The following SYN1 variants were observed in gnomAD, a reference collection of about 807,000 sequenced individuals.
The protein encoded by SYN1 is synapsin I, also known as synapsin-1.
SYN1 carries 8 observed loss-of-function variants against 44.6 expected under a neutral mutation model. The ratio of observed to expected loss-of-function variants is 0.18; its 90% CI spans 0.11 to 0.32. The LOEUF (loss-of-function observed/expected upper bound fraction) is 0.32, where lower values mean the gene tolerates loss of function less well. Ranked by LOEUF, SYN1 falls within the 10% of genes least tolerant of loss-of-function variation. The pLI, the probability that SYN1 is intolerant of heterozygous loss-of-function variation, is 1.00. For synonymous variants in SYN1, 275 were observed against 280.1 expected, an observed-to-expected ratio of 0.98 and a Z score of 0.18; for missense variants, 451 against 639.4, an observed-to-expected ratio of 0.71 and a Z score of 3.18.
chrX:47,602,751 C>T (rs1305156843), intron 5 of SYN1, among the ~76,000 whole-genome samples: 2 of 111,749 alleles, frequency 1.8e-5, no homozygotes, highest in Admixed American at 1.9e-4. Context: ...GTAAGAATTG[C>T]TAATATTAGT....
chrX:47,583,846 T>A (rs1020313031), intron 5 of SYN1, among the ~76,000 whole-genome samples: 28 of 111,659 alleles, frequency 2.5e-4, no homozygotes, highest in African/African-American at 9.1e-4. Flanking sequence ...CCCCTGCCCC[T>A]TAGTACTCCT....
chrX:47,584,918 T>A (rs1234489460), intron 5 of SYN1: 1 of 1,199,652 alleles, frequency 8.3e-7, no homozygotes, highest in South Asian at 1.8e-5. Flanking sequence ...TGACTCATAT[T>A]TCCCTCCTCT....
Position 47,574,711 on chromosome X carries a change from G to A in SYN1, c.1370C>T (p.Ala457Val). The change falls in exon 11 of 13, where the codon GCT (alanine) becomes GTT (valine). Residue 457 changes from alanine to valine, a missense_variant. Coordinates refer to ENST00000295987, the MANE Select transcript of SYN1 (RefSeq NM_006950.3). ...QTSQQPAGPP[A>V]QQRPPPQGGP... ...ACCCTGTGGTGGGGGTCGCTGCTGA[G>A]CCGGGGGCCCTGCGGGCTGCTGGGA... The A allele has an allele frequency of 8.4e-7, 1 of 1,186,649 alleles. No individual in the cohort carries two copies. Among genetic ancestry groups the A allele is most frequent in the South Asian group, 1.9e-5 (1 of 53,933 alleles).
chrX:47,607,246 G>C (rs778869389), intron 1 of SYN1, 48 bp from the exon 2 acceptor site: 6 of 1,158,178 alleles, frequency 5.2e-6, no homozygotes, highest in Non-Finnish European at 4.7e-6. Flanking sequence ...TCTCAGAAGG[G>C]AAGACAAAAC....
chrX:47,591,276 T>C (rs2057846925), intron 5 of SYN1, among the ~76,000 whole-genome samples: 1 of 112,548 alleles, frequency 8.9e-6, no homozygotes, highest in African/African-American at 3.2e-5. Flanking sequence ...AACTACATAG[T>C]TACAAAACAG....
At chrX:47,585,292 C>T (rs1413685629) in intron 5 of SYN1, 2 of 1,209,999 alleles carry the variant, frequency 1.7e-6, no homozygotes, top group Non-Finnish European at 2.2e-6. Context: ...CGGATACTTC[C>T]ACAGGTCCCA....
chrX:47,583,524 A>G (rs1310743953), intron 5 of SYN1: 2 of 1,196,353 alleles, frequency 1.7e-6, no homozygotes, highest in Admixed American at 2.2e-5. Context: ...GGCCTTCTGC[A>G]ATTCCGACCT....
intron 5 of SYN1, among the ~76,000 whole-genome samples, chrX:47,589,328 T>G (rs1334638703): frequency 7.8e-5 from 8 of 102,061 alleles, no homozygotes; most frequent in African/African-American, 1.8e-4. Context: ...GCATGGTGGC[T>G]TACGCCTGTA....
chrX:47,606,715 C>A (rs1229678125), intron 3 of SYN1, among the ~76,000 whole-genome samples: 2 of 106,270 alleles, frequency 1.9e-5, no homozygotes, highest in South Asian at 4.2e-4. Context: ...GGAGACAGAG[C>A]AAGACCCTGT....
rs926852442 is a variant in SYN1 at position 47,619,783 on chromosome X, G to A, written c.-55C>T. 1.1e-5 allele frequency: 12 copies of A among 1,115,720 alleles called. No individual in the cohort carries two copies. Among genetic ancestry groups the A allele is most frequent in the East Asian group, 3.4e-5 (1 of 29,763 alleles). The allele number at this position is 1,115,720 out of a possible 1,213,427, so 91.9% of individuals were successfully genotyped here. On this transcript the variant is annotated 5_prime_UTR_variant, in exon 1 of 13. Coordinates refer to ENST00000295987, the MANE Select transcript of SYN1 (RefSeq NM_006950.3). ...GGTGGTCTGGCCAGGAGCCGCGGGGGCGGACTGCGCGGTGCCCAGGAGCAC... is the reference window on the plus strand; with the variant it reads ...GGTGGTCTGGCCAGGAGCCGCGGGGACGGACTGCGCGGTGCCCAGGAGCAC...
intron 5 of SYN1, among the ~76,000 whole-genome samples, chrX:47,594,805 G>A (rs1271159794): frequency 6.6e-5 from 7 of 106,542 alleles, no homozygotes; most frequent in Admixed American, 2.0e-4. Context: ...TCAGCTCACC[G>A]CAACCTCCGT....
intron 1 of SYN1, among the ~76,000 whole-genome samples, chrX:47,611,155 G>C (rs2057915527): frequency 8.9e-6 from 1 of 111,851 alleles, no homozygotes; most frequent in Non-Finnish European, 1.9e-5. Context: ...TGTTTCAGTA[G>C]GGAAGTCCAA....
chrX:47,590,512 G>C (rs1660213088), intron 5 of SYN1, among the ~76,000 whole-genome samples: 1 of 112,257 alleles, frequency 8.9e-6, no homozygotes, highest in Non-Finnish European at 1.9e-5. Context: ...TGAGACTTGG[G>C]GATCATAGCA....
intron 5 of SYN1, among the ~76,000 whole-genome samples, chrX:47,597,002 A>G (rs1603066740): frequency 1.8e-5 from 2 of 112,452 alleles, no homozygotes; most frequent in Middle Eastern, 9.2e-3. Context: ...ATGATATCCT[A>G]ATAAGTAGAG....
In SYN1 at chrX:47,574,268, C is replaced by A; in HGVS notation, c.1716G>T (p.Pro572=). ...QATRQTSVSG[P]APPKASGAPP... ...GGGCCCCAGAGGCCTTTGGCGGAGC[C>A]GGGCCAGAGACGGATGTCTGACGGG... Residue 572 remains proline (P), a synonymous_variant, in exon 12 of 13, where the codon CCG becomes CCT. Coordinates refer to ENST00000295987, the MANE Select transcript of SYN1 (RefSeq NM_006950.3). 1 of 1,104,608 alleles carries A rather than the reference C, an allele frequency of 9.1e-7. No individual in the cohort carries two copies. The highest frequency in any genetic ancestry group is 1.2e-6 in the Non-Finnish European group (1 of 849,320). The allele number at this position is 1,104,608 out of a possible 1,213,427, so 91.0% of individuals were successfully genotyped here.
At chrX:47,609,005 G>GACACAA (rs1556861053) in intron 1 of SYN1, among the ~76,000 whole-genome samples, 4 of 87,399 alleles carry the variant, frequency 4.6e-5, no homozygotes, top group Non-Finnish European at 6.9e-5. Context: ...CTCTCTCTCT[G>GACACAA]ACACACACAC....
rs769771865 is a variant in SYN1, at chrX:47,605,367, C to T, written c.540G>A (p.Pro180=). ...NGVKVVRSLK[P]DFVLIRQHAF... is the part of the protein sequence containing the mutation. ...CGTGCTGGCGGATCAGCACAAAATCCGGCTTCAGAGACCTAGTGTGGCAGG... is the reference window on the plus strand; with the variant it reads ...CGTGCTGGCGGATCAGCACAAAATCTGGCTTCAGAGACCTAGTGTGGCAGG... The change falls in exon 4 of 13, where the codon CCG becomes CCA. Residue 180 remains proline (P), a synonymous_variant. Coordinates refer to ENST00000295987, the MANE Select transcript of SYN1 (RefSeq NM_006950.3). 26 of 1,209,604 alleles carry T rather than the reference C, an allele frequency of 2.1e-5. No individual in the cohort carries two copies. Among genetic ancestry groups the T allele is most frequent in the Admixed American group, 1.1e-4 (5 of 45,699 alleles).
intron 5 of SYN1, among the ~76,000 whole-genome samples, chrX:47,598,901 G>T (rs987072867): frequency 9.1e-6 from 1 of 110,479 alleles, no homozygotes; most frequent in African/African-American, 3.3e-5. Context: ...CATGCCTGTG[G>T]TCCCAGCTAT....
chrX:47,589,474 C>T (rs1313460497), intron 5 of SYN1, among the ~76,000 whole-genome samples: 9 of 105,989 alleles, frequency 8.5e-5, no homozygotes, highest in Admixed American at 2.1e-4. Context: ...TGGTGGTGGG[C>T]GCCTGTAGTC....
Sources: allele counts gnomAD v4.1 joint callset (sites outside exome capture counted in the v4.1 genomes callset), GRCh38; gene constraint gnomAD v4.1.1; transcripts MANE v1.5; gene names NCBI Gene and HGNC (gene_info 2026-07-23, HGNC 2026-07-21).